Variants in CTNNA3 observed in about 807,000 individuals in gnomAD.
CTNNA3 encodes the protein catenin alpha 3.
Under a neutral mutation model 95.7 loss-of-function variants are expected in CTNNA3, and 76 were observed. The ratio of observed to expected loss-of-function variants is 0.79; its 90% CI spans 0.66 to 0.96. CTNNA3 has a LOEUF of 0.96. Among genes scored for constraint, CTNNA3 ranks in the 40% least tolerant of loss-of-function variants. The probability of loss-of-function intolerance (pLI) is 0.00; values close to 1 mark genes in which losing one functional copy is unlikely to be tolerated. For missense variants in CTNNA3, 1,191 were observed against 1,089.8 expected (o/e 1.09, Z -1.31); for synonymous variants, 431 against 374.4 (o/e 1.15, Z -1.74).
intron 2 of CTNNA3, among the ~76,000 whole-genome samples, chr10:67,621,476 G>A (rs534535073): frequency 3.3e-4 from 50 of 152,216 alleles, no homozygotes; most frequent in African/African-American, 1.1e-3. Context: ...TAGGCCAGGC[G>A]CAGTGGCTCA....
intron 7 of CTNNA3, among the ~76,000 whole-genome samples, chr10:66,938,707 T>C (rs1337326451): frequency 1.3e-5 from 2 of 152,210 alleles, no homozygotes; most frequent in African/African-American, 4.8e-5. Flanking sequence ...GATCATGTTC[T>C]GATTTAAATT....
intron 11 of CTNNA3, among the ~76,000 whole-genome samples, chr10:66,466,373 C>CACACACACACAA (rs1222364133): frequency 6.6e-6 from 1 of 150,734 alleles, no homozygotes; most frequent in Admixed American, 6.6e-5. Flanking sequence ...CACACACACA[C>CACACACACACAA]AATCTATTGG....
chr10:66,650,503 A>G (rs549104201), intron 9 of CTNNA3, among the ~76,000 whole-genome samples: 4 of 152,276 alleles, frequency 2.6e-5, no homozygotes, highest in African/African-American at 7.2e-5. Context: ...AGCAAAACTC[A>G]TGATGTGTCC....
intron 5 of CTNNA3, among the ~76,000 whole-genome samples, chr10:67,419,780 C>T (rs1052008222): frequency 3.3e-5 from 5 of 152,176 alleles, no homozygotes; most frequent in East Asian, 3.8e-4. Flanking sequence ...AACACCAGTA[C>T]AGTAGCTATA....
intron 11 of CTNNA3, among the ~76,000 whole-genome samples, chr10:66,467,540 G>T (rs557894096): frequency 6.6e-6 from 1 of 152,120 alleles, no homozygotes; most frequent in African/African-American, 2.4e-5. Flanking sequence ...ACGGGCAAGT[G>T]CTACAGTTCT....
intron 7 of CTNNA3, among the ~76,000 whole-genome samples, chr10:66,786,648 G>A (rs957537143): frequency 1.3e-4 from 20 of 152,152 alleles, no homozygotes; most frequent in African/African-American, 4.8e-4. Flanking sequence ...TAAAATCAAT[G>A]AGACAAGAAA....
chr10:66,728,827 A>T (rs566364530), intron 9 of CTNNA3, among the ~76,000 whole-genome samples: 1 of 152,288 alleles, frequency 6.6e-6, no homozygotes, highest in Admixed American at 6.5e-5. Context: ...ACCTCAAGTG[A>T]TCTGCCCACC....
intron 15 of CTNNA3, among the ~76,000 whole-genome samples, chr10:66,046,175 C>T (rs1589289516): frequency 6.6e-6 from 1 of 152,106 alleles, no homozygotes. Context: ...AGGAGAACCT[C>T]CCCCACCCAG....
At chr10:67,392,993 A>T (rs1342199415) in intron 5 of CTNNA3, among the ~76,000 whole-genome samples, 1 of 152,162 alleles carries the variant, frequency 6.6e-6, no homozygotes, top group Non-Finnish European at 1.5e-5. Flanking sequence ...CCAGCATGGC[A>T]CATGTATACA....
intron 10 of CTNNA3, among the ~76,000 whole-genome samples, chr10:66,546,485 C>T (rs945112709): frequency 6.6e-6 from 1 of 152,094 alleles, no homozygotes; most frequent in African/African-American, 2.4e-5. Flanking sequence ...GTATAAATAA[C>T]TGCCCAAGAC....
At chr10:67,206,576 G>C (rs1013088475) in intron 6 of CTNNA3, among the ~76,000 whole-genome samples, 3 of 151,672 alleles carry the variant, frequency 2.0e-5, no homozygotes, top group Non-Finnish European at 4.4e-5. Context: ...AGGAAGAAAA[G>C]AGGGAGGGAG....
At chr10:67,164,734 T>C (rs1861685795) in intron 7 of CTNNA3, among the ~76,000 whole-genome samples, 1 of 152,032 alleles carries the variant, frequency 6.6e-6, no homozygotes, top group African/African-American at 2.4e-5. Context: ...GCAAAAAACA[T>C]GATGAGTCAT....
Position 65,981,855 on chromosome 10 carries a change from A to G in CTNNA3, c.2265+6837T>C, listed in dbSNP as rs570763849. Reference sequence around the variant, plus strand: ...CTATAAAAAAATCAACTCAAGGTGAATGAAAGAATTAAATCTAAGACCTAA... The same window carrying G: ...CTATAAAAAAATCAACTCAAGGTGAGTGAAAGAATTAAATCTAAGACCTAA... On this transcript the variant is annotated intron_variant, in intron 16 of 17. Transcript: ENST00000433211. Among the ~76,000 whole-genome samples, 13 of 152,088 alleles carry G rather than the reference A, an allele frequency of 8.5e-5. No homozygotes were observed. The East Asian group carries it at 1.9e-3, about 23-fold the overall frequency.
intron 5 of CTNNA3, among the ~76,000 whole-genome samples, chr10:67,500,415 G>A (rs1427326959): frequency 2.6e-5 from 4 of 152,126 alleles, no homozygotes; most frequent in Non-Finnish European, 2.9e-5. Context: ...TGTTGATTTC[G>A]GGTGGAGAGT....
rs1218968139 is a variant in CTNNA3 at position 67,677,868 on chromosome 10, G to C, written c.-6+18132C>G. ...CTCTTTTAGAAAGGTGAATCGAATT[G>C]CTTCAGATTATCTAGGGTTAAATTC... On this transcript the variant is annotated intron_variant, in intron 1 of 17. Coordinates refer to ENST00000433211, the MANE Select transcript of CTNNA3 (RefSeq NM_013266.4). Among the ~76,000 whole-genome samples the C allele has an allele frequency of 3.9e-5, 6 of 152,268 alleles. No homozygotes were observed. In the East Asian group the frequency reaches 1.2e-3, roughly 29 times the overall value.
intron 1 of CTNNA3, among the ~76,000 whole-genome samples, chr10:67,762,185 CAAAA>C (rs55895053): frequency 1.4e-5 from 1 of 72,312 alleles, no homozygotes; most frequent in Non-Finnish European, 3.5e-5. Flanking sequence ...ATAAATCAGC[CAAAA>C]AAAAAAAAAA....
chr10:67,314,353 C>T (rs774681192), intron 5 of CTNNA3, among the ~76,000 whole-genome samples: 3 of 152,178 alleles, frequency 2.0e-5, no homozygotes, highest in Non-Finnish European at 4.4e-5. Flanking sequence ...AAAGGAAAGA[C>T]TCCCATAACT....
chr10:65,927,823 A>T (rs947327117), intron 17 of CTNNA3, among the ~76,000 whole-genome samples: 8 of 152,148 alleles, frequency 5.3e-5, no homozygotes, highest in African/African-American at 1.9e-4. Context: ...TAGAAGAAAA[A>T]CTATGTTCTG....
Position 67,220,095 on chromosome 10 carries a change from G to A in CTNNA3, c.580-225C>T, listed in dbSNP as rs9651325. On this transcript the variant is annotated intron_variant, in intron 5 of 17. Transcript: ENST00000433211. Reference sequence around the variant, plus strand: ...CAGTTAATAAGTAAAGGTCCCCGTAGAGCAGATGTGTAAAGATCCATTACT... The same window carrying A: ...CAGTTAATAAGTAAAGGTCCCCGTAAAGCAGATGTGTAAAGATCCATTACT... Among the ~76,000 whole-genome samples the A allele has an allele frequency of 0.16, 24,349 of 152,126 alleles. 2,549 individuals are homozygous for A. The highest frequency in any genetic ancestry group is 0.3 in the African/African-American group (12,415 of 41,468).
Sources: allele counts gnomAD v4.1 joint callset (sites outside exome capture counted in the v4.1 genomes callset), GRCh38; gene constraint gnomAD v4.1.1; transcripts MANE v1.5; gene names NCBI Gene and HGNC (gene_info 2026-07-23, HGNC 2026-07-21).